The following FRMD5 variants were observed in gnomAD, a reference collection of about 807,000 sequenced individuals.
FRMD5 encodes the protein FERM domain-containing protein 5.
FRMD5 carries 20 observed loss-of-function variants against 69.0 expected under a neutral mutation model. That is an observed-to-expected ratio of 0.29 (90% CI 0.20 to 0.42). The LOEUF (loss-of-function observed/expected upper bound fraction) is 0.42. Ranked by LOEUF, FRMD5 falls within the 10% of genes least tolerant of loss-of-function variation. The pLI is 1.00. For synonymous variants in FRMD5, 271 were observed against 260.1 expected, an observed-to-expected ratio of 1.04 and a Z score of -0.40; for missense variants, 595 against 708.6, an observed-to-expected ratio of 0.84 and a Z score of 1.82.
At chr15:43,885,644 A>G (rs1287408501) in intron 11 of FRMD5, 37 bp downstream of exon 11, 6 of 1,549,850 alleles carry the variant, frequency 3.9e-6, no homozygotes, top group Non-Finnish European at 5.4e-6. Context: ...AGGGTCTGAA[A>G]ATAGATCCAT....
intron 1 of FRMD5, among the ~76,000 whole-genome samples, chr15:43,983,998 G>A (rs2090586906): frequency 6.6e-6 from 1 of 152,220 alleles, no homozygotes; most frequent in Admixed American, 6.5e-5. Context: ...AAACACTGCT[G>A]TTGCCTGTGA....
intron 1 of FRMD5, among the ~76,000 whole-genome samples, chr15:44,081,035 T>C (rs1355272039): frequency 2.0e-5 from 3 of 152,086 alleles, no homozygotes; most frequent in Admixed American, 6.6e-5. Context: ...TCTCCTTGCA[T>C]ACCTACCCCA....
intron 1 of FRMD5, among the ~76,000 whole-genome samples, chr15:44,033,563 T>C (rs1182811206): frequency 6.6e-6 from 1 of 152,216 alleles, no homozygotes; most frequent in Non-Finnish European, 1.5e-5. Flanking sequence ...ACTTGAAGCT[T>C]TCATTTATTC....
rs142738553 is a variant in FRMD5, at chr15:44,021,925, T to C, written c.103-97616A>G. Among the ~76,000 whole-genome samples the C allele has an allele frequency of 8.2e-4, 125 of 152,316 alleles. No individual in the cohort carries two copies. The East Asian group carries it at 0.019, about 23-fold the overall frequency. On this transcript the variant is annotated intron_variant, in intron 1 of 13. Coordinates refer to ENST00000417257, the MANE Select transcript of FRMD5 (RefSeq NM_032892.5). ...CCATCAACAAATACACAAAATGTAGTATGTAAATACAATGGAATAGTATTT... is the reference window on the plus strand; with the variant it reads ...CCATCAACAAATACACAAAATGTAGCATGTAAATACAATGGAATAGTATTT...
chr15:43,979,793 A>C (rs759837656), intron 1 of FRMD5, among the ~76,000 whole-genome samples: 2 of 152,212 alleles, frequency 1.3e-5, no homozygotes, highest in Non-Finnish European at 2.9e-5. Context: ...GTTCTTCACA[A>C]ATGATAGAAA....
At chr15:43,884,954 G>C (rs1220256748) in intron 11 of FRMD5, 159 bp from the exon 12 acceptor site, 6 of 604,478 alleles carry the variant, frequency 9.9e-6, no homozygotes, top group East Asian at 8.4e-5. Flanking sequence ...TGCTTGGTGG[G>C]GTAGACTTCT....
At chr15:44,079,682 C>T (rs1274939718) in intron 1 of FRMD5, among the ~76,000 whole-genome samples, 1 of 152,066 alleles carries the variant, frequency 6.6e-6, no homozygotes, top group Non-Finnish European at 1.5e-5. Context: ...CAGTATTATT[C>T]ACAATAGGCA....
intron 1 of FRMD5, among the ~76,000 whole-genome samples, chr15:44,016,758 C>A (rs1185274540): frequency 6.6e-6 from 1 of 151,368 alleles, no homozygotes; most frequent in African/African-American, 2.4e-5. Flanking sequence ...GACTTGGGTT[C>A]GAGTCTAGCT....
chr15:43,917,270 A>G (rs2089407499), intron 4 of FRMD5, among the ~76,000 whole-genome samples: 1 of 152,230 alleles, frequency 6.6e-6, no homozygotes, highest in South Asian at 2.1e-4. Context: ...AGGAGTACCA[A>G]CTTTGGGGTC....
intron 1 of FRMD5, among the ~76,000 whole-genome samples, chr15:43,999,991 T>C (rs151192310): frequency 0.14 from 2,702 of 19,194 alleles, 145 homozygotes; most frequent in East Asian, 0.26. Context: ...TATATATATG[T>C]GCCATGATTT....
chr15:43,900,557 T>A (rs1222606972), intron 7 of FRMD5, among the ~76,000 whole-genome samples: 1 of 152,002 alleles, frequency 6.6e-6, no homozygotes, highest in Non-Finnish European at 1.5e-5. Context: ...AATCACCATC[T>A]TCTCACCAAG....
chr15:44,158,763 A>G (rs2077566156), intron 1 of FRMD5, among the ~76,000 whole-genome samples: 1 of 152,218 alleles, frequency 6.6e-6, no homozygotes, highest in Admixed American at 6.5e-5. Context: ...TCAAGAGCTA[A>G]TTTGCATAGC....
At chr15:43,945,569 C>T (rs1274913281) in intron 1 of FRMD5, among the ~76,000 whole-genome samples, 1 of 152,100 alleles carries the variant, frequency 6.6e-6, no homozygotes, top group Non-Finnish European at 1.5e-5. Context: ...TATATGATTG[C>T]CAAGCCCTCA....
intron 1 of FRMD5, among the ~76,000 whole-genome samples, chr15:44,115,854 T>C (rs1050473520): frequency 4.6e-5 from 7 of 152,172 alleles, no homozygotes; most frequent in African/African-American, 1.7e-4. Flanking sequence ...GTAGAGTCAA[T>C]TGAATAAGGA....
chr15:43,954,503 T>C (rs1202783405), intron 1 of FRMD5, among the ~76,000 whole-genome samples: 1 of 152,068 alleles, frequency 6.6e-6, no homozygotes, highest in Non-Finnish European at 1.5e-5. Flanking sequence ...AGATGAGTAA[T>C]AGTGAAGGGC....
intron 1 of FRMD5, among the ~76,000 whole-genome samples, chr15:44,150,252 A>G (rs917605093): frequency 3.3e-5 from 5 of 152,222 alleles, no homozygotes; most frequent in Admixed American, 2.6e-4. Context: ...GAACAAGGCA[A>G]GGATGCCTAC....
intron 1 of FRMD5, among the ~76,000 whole-genome samples, chr15:44,121,331 A>G (rs1304569950): frequency 3.3e-5 from 5 of 151,898 alleles, no homozygotes; most frequent in Non-Finnish European, 5.9e-5. Flanking sequence ...TGCCAAGGAG[A>G]TGAAAACAGC....
At chr15:44,151,062 T>C (rs1000867770) in intron 1 of FRMD5, among the ~76,000 whole-genome samples, 2 of 150,012 alleles carry the variant, frequency 1.3e-5, no homozygotes, top group African/African-American at 4.9e-5. Context: ...ACTGTACTCT[T>C]GCCTGGGCGA....
At chr15:43,995,539 G>A (rs1889879896) in intron 1 of FRMD5, among the ~76,000 whole-genome samples, 1 of 152,090 alleles carries the variant, frequency 6.6e-6, no homozygotes, top group Non-Finnish European at 1.5e-5. Flanking sequence ...TGGCACTGGT[G>A]TCTACAGGAG....
Sources: gnomAD v4.1 joint callset for allele counts (sites outside exome capture counted in the v4.1 genomes callset) on GRCh38, gnomAD v4.1.1 for gene constraint, MANE v1.5 for transcripts, NCBI Gene and HGNC (gene_info 2026-07-23, HGNC 2026-07-21) for gene names.